The following ACSF2 variants were observed in gnomAD, a reference collection of about 807,000 sequenced individuals.
ACSF2 encodes acyl-CoA synthetase family member 2.
In ACSF2, 52 loss-of-function variants were observed where a neutral mutation model predicts 79.3. The observed-to-expected ratio is 0.66, with a 90% CI of 0.53 to 0.83. The LOEUF (loss-of-function observed/expected upper bound fraction) is 0.83, where lower values mean the gene tolerates loss of function less well. ACSF2 is among the 40% of genes least tolerant of loss of function. ACSF2 has a pLI of 0.00. For synonymous variants in ACSF2, 283 were observed against 312.6 expected (o/e 0.91, Z 1.00); for missense variants, 661 against 803.3 (o/e 0.82, Z 2.14).
chr17:50,446,187 C>T (rs1233145164), intron 1 of ACSF2, among the ~76,000 whole-genome samples: 2 of 152,016 alleles, frequency 1.3e-5, no homozygotes, highest in African/African-American at 2.4e-5. Context: ...TAAATAGGTA[C>T]TGCAATGTTG....
At chr17:50,465,297 T>C (rs1281822002) in intron 10 of ACSF2, 1 of 1,613,936 alleles carries the variant, frequency 6.2e-7, no homozygotes, top group Non-Finnish European at 8.5e-7. Flanking sequence ...CCCCCACCTG[T>C]TTAATGGCGG....
At chr17:50,460,033 A>T (rs2032238861) in intron 1 of ACSF2, among the ~76,000 whole-genome samples, 1 of 151,912 alleles carries the variant, frequency 6.6e-6, no homozygotes, top group Admixed American at 6.6e-5. Flanking sequence ...CCCAGGTGCC[A>T]TTTGGCATAT....
intron 4 of ACSF2, among the ~76,000 whole-genome samples, chr17:50,461,945 T>TGCGTGTGTCC (rs1567855254): frequency 6.6e-6 from 1 of 150,952 alleles, no homozygotes; most frequent in African/African-American, 2.4e-5. Flanking sequence ...TGTGTGTGTG[T>TGCGTGTGTCC]GTGTGTGCGT....
intron 11 of ACSF2, 144 bp from the exon 12 acceptor site, chr17:50,472,284 A>T (rs1387694435): frequency 4.4e-6 from 4 of 918,542 alleles, no homozygotes; most frequent in Admixed American, 3.3e-5. Context: ...CCTTCTCTGG[A>T]TGGGGATAAG....
chr17:50,436,564 G>A (rs759816829), intron 1 of ACSF2, among the ~76,000 whole-genome samples: 1 of 152,186 alleles, frequency 6.6e-6, no homozygotes, highest in Non-Finnish European at 1.5e-5. Flanking sequence ...CTCCCGAGTA[G>A]CTGGGATTAC....
chr17:50,436,140 T>A (rs1432317836), intron 1 of ACSF2, among the ~76,000 whole-genome samples: 1 of 152,172 alleles, frequency 6.6e-6, no homozygotes, highest in Non-Finnish European at 1.5e-5. Flanking sequence ...TTTTATTTTT[T>A]ATTTTTCGAG....
At position 50,468,913 on chromosome 17, in the gene ACSF2, T is replaced by G. The variant is rs1325406448; in HGVS notation, c.1216-2115T>G. 7 of 1,414,006 alleles carry G rather than the reference T, an allele frequency of 5.0e-6. No homozygotes were observed. The East Asian group carries it at 1.9e-4, about 38-fold the overall frequency. 87.6% of individuals were successfully genotyped at this position (1,414,006 alleles called of 1,614,324 possible). The stretch of plus-strand genomic sequence containing the variant: ...CGGGTCTGCCGCCCTCTTTATACGG[T>G]GGCCCTGACCGCAGCCGGCAGCCGA... On this transcript the variant is annotated intron_variant, in intron 10 of 15. Transcript: ENST00000300441.
chr17:50,468,465 C>A (rs777508812), intron 10 of ACSF2: 1 of 1,614,272 alleles, frequency 6.2e-7, no homozygotes, highest in Non-Finnish European at 8.5e-7. Flanking sequence ...TCGAAGGCAC[C>A]TGCGCGCAGC....
At chr17:50,444,468 T>C (rs1267628579) in intron 1 of ACSF2, among the ~76,000 whole-genome samples, 1 of 151,906 alleles carries the variant, frequency 6.6e-6, no homozygotes, top group Non-Finnish European at 1.5e-5. Context: ...GGCAGGAGAA[T>C]CATTTGAACC....
intron 1 of ACSF2, among the ~76,000 whole-genome samples, chr17:50,436,548 C>T (rs1433287942): frequency 1.3e-5 from 2 of 152,176 alleles, no homozygotes; most frequent in Admixed American, 6.5e-5. Context: ...GTTTTCCTGC[C>T]TCAGCCTCCC....
intron 1 of ACSF2, chr17:50,427,004 T>C (rs900018962): frequency 6.5e-7 from 1 of 1,535,274 alleles, no homozygotes; most frequent in African/African-American, 1.4e-5. Context: ...CTTCCCGGTG[T>C]GACCAGTCCT....
Position 50,467,378 on chromosome 17 carries a change from C to T in ACSF2, c.1215+3084C>T, listed in dbSNP as rs186224686. On this transcript the variant is annotated intron_variant, in intron 10 of 15. Coordinates refer to ENST00000300441, the MANE Select transcript of ACSF2 (RefSeq NM_025149.6). ...TGCCCCTTCACGGAGCCCATGGGCA[C>T]GATGCTTGCATCCTGGGGGAGCCCT... Among the ~76,000 whole-genome samples the T allele has an allele frequency of 1.4e-3, 209 of 152,298 alleles. 1 individual carries two copies. Among genetic ancestry groups the T allele is most frequent in the Non-Finnish European group, 2.2e-3 (149 of 68,026 alleles).
Position 50,474,042 on chromosome 17 carries a change from T to A in ACSF2, c.1728+38T>A. ...GCTCAACCTAGCTGATGCTGCTCTG[T>A]TCTTTGCTCACCCACTCCTCTGCCA... On this transcript the variant is annotated intron_variant, in intron 14 of 15. Coordinates refer to ENST00000300441, the MANE Select transcript of ACSF2 (RefSeq NM_025149.6). The surrounding 1 kb of genome is among the most constrained non-coding windows in gnomAD (Gnocchi z 4.2). The A allele has an allele frequency of 6.5e-7, 1 of 1,550,362 alleles. No individual in the cohort carries two copies. The highest frequency in any genetic ancestry group is 1.4e-5 in the African/African-American group (1 of 73,414).
At chr17:50,470,555 G>A (rs2033067237) in intron 10 of ACSF2, among the ~76,000 whole-genome samples, 1 of 152,166 alleles carries the variant, frequency 6.6e-6, no homozygotes, top group Non-Finnish European at 1.5e-5. Context: ...GTGGGGTTGT[G>A]TCTGTGCCAC....
intron 2 of ACSF2, 132 bp from the exon 3 acceptor site, chr17:50,461,110 G>T: frequency 7.1e-7 from 1 of 1,417,500 alleles, no homozygotes; most frequent in East Asian, 2.5e-5. Flanking sequence ...GACCCACTGA[G>T]GCTGGGAATC....
chr17:50,461,509 C>G, intron 3 of ACSF2, 124 bp from the exon 4 acceptor site: 1 of 1,586,710 alleles, frequency 6.3e-7, no homozygotes, highest in South Asian at 1.1e-5. Flanking sequence ...CTGAGGCCCA[C>G]CAAGGAGGTC....
At chr17:50,464,767 C>T (rs1181089902) in intron 10 of ACSF2, 1 of 135,996 alleles carries the variant, frequency 7.4e-6, no homozygotes, top group Non-Finnish European at 1.4e-5. Context: ...TTCTGATTGA[C>T]TTGGGGGGGG....
chr17:50,440,139 G>A (rs1436962922), intron 1 of ACSF2, among the ~76,000 whole-genome samples: 1 of 148,828 alleles, frequency 6.7e-6, no homozygotes, highest in Non-Finnish European at 1.5e-5. Context: ...TGGGGGGTAA[G>A]GAGCAGAGGC....
At chr17:50,426,519 G>A in intron 1 of ACSF2, 130 bp downstream of exon 1, 4 of 1,113,988 alleles carry the variant, frequency 3.6e-6, no homozygotes, top group Non-Finnish European at 3.5e-6. Flanking sequence ...CCCCTCCCCC[G>A]CCCCCCGCCA....
Sources: allele counts gnomAD v4.1 joint callset (sites outside exome capture counted in the v4.1 genomes callset), GRCh38; gene constraint gnomAD v4.1.1; non-coding constraint Gnocchi (gnomAD v3.1); transcripts MANE v1.5; gene names NCBI Gene and HGNC (gene_info 2026-07-23, HGNC 2026-07-21).